ART1: variants seen among roughly 807,000 people sequenced by gnomAD.
ART1 encodes GPI-linked NAD(P)(+)--arginine ADP-ribosyltransferase 1.
Under a neutral mutation model 27.0 loss-of-function variants are expected in ART1, and 29 were observed. The ratio of observed to expected loss-of-function variants is 1.08; its 90% CI spans 0.80 to 1.47. The LOEUF (loss-of-function observed/expected upper bound fraction) is 1.47. ART1 is among the 40% of genes most tolerant of loss of function. The pLI, the probability that ART1 is intolerant of heterozygous loss-of-function variation, is 0.00. For synonymous variants in ART1, 201 were observed against 172.2 expected, an observed-to-expected ratio of 1.17 and a Z score of -1.31; for missense variants, 480 against 423.0, an observed-to-expected ratio of 1.13 and a Z score of -1.18.
intron 3 of ART1, among the ~76,000 whole-genome samples, chr11:3,660,617 C>T (rs1361095477): frequency 2.6e-5 from 4 of 152,200 alleles, no homozygotes; most frequent in East Asian, 1.9e-4. Flanking sequence ...TCCTGGCCAA[C>T]GCAGCGGTCT....
intron 1 of ART1, among the ~76,000 whole-genome samples, chr11:3,653,744 C>T (rs116050118): frequency 6.6e-6 from 1 of 152,044 alleles, no homozygotes; most frequent in African/African-American, 2.4e-5. Context: ...TCTCTCACGT[C>T]CCCTATAGCC....
intron 1 of ART1, among the ~76,000 whole-genome samples, chr11:3,652,403 C>G (rs1324737756): frequency 6.7e-6 from 1 of 149,196 alleles, no homozygotes; most frequent in Non-Finnish European, 1.5e-5. Context: ...TCAGTGAAAC[C>G]TTTATATCCC....
chr11:3,658,852 C>T (rs767823516), intron 1 of ART1, among the ~76,000 whole-genome samples: 2 of 152,202 alleles, frequency 1.3e-5, no homozygotes, highest in Admixed American at 6.5e-5. Context: ...CTCTTTACAT[C>T]CTCAGTTCCC....
chr11:3,663,089 A>ATCATCATC (rs2077634254), intron 4 of ART1, among the ~76,000 whole-genome samples: 3 of 87,116 alleles, frequency 3.4e-5, no homozygotes, highest in Admixed American at 1.2e-4. Context: ...ATCTCATCTC[A>ATCATCATC]TCATCTCATC....
rs1359752648 is a variant in ART1 at position 3,660,344 on chromosome 11, C to G, written c.825C>G (p.Tyr275Ter). Residue 275 changes from tyrosine (Y) to a stop codon, truncating the protein, a stop_gained, in exon 3 of 5, where the codon TAC (tyrosine) becomes TAG (stop). Transcript: ENST00000250693. LOFTEE classifies it high-confidence loss of function. ...YLRALGKHST[Y>*]NCEYIKDKKC... ...GAGCCCTGGGCAAGCACAGCACCTA[C>G]AACTGCGAGTACATCAAAGGTAGGA... 1.9e-6 allele frequency: 3 copies of G among 1,602,874 alleles called. No individual in the cohort carries two copies. Among genetic ancestry groups the G allele is most frequent in the Non-Finnish European group, 2.5e-6 (3 of 1,179,254 alleles).
chr11:3,660,506 C>A, intron 3 of ART1, 143 bp downstream of exon 3: 4 of 986,774 alleles, frequency 4.1e-6, no homozygotes, highest in Non-Finnish European at 5.8e-6. Flanking sequence ...CCAACCCCTT[C>A]CATCTAAGGG....
intron 1 of ART1, among the ~76,000 whole-genome samples, chr11:3,655,257 A>T (rs903041343): frequency 6.6e-6 from 1 of 152,226 alleles, no homozygotes; most frequent in Non-Finnish European, 1.5e-5. Context: ...ACCCACAGAC[A>T]AGTACATGGG....
At chr11:3,656,390 T>TTTA (rs1565042924) in intron 1 of ART1, among the ~76,000 whole-genome samples, 34 of 43,952 alleles carry the variant, frequency 7.7e-4, no homozygotes, top group Admixed American at 3.7e-3. Context: ...TTATTTATTT[T>TTTA]TTAAATTTTT....
intron 1 of ART1, among the ~76,000 whole-genome samples, chr11:3,653,660 T>A (rs114309636): frequency 0.075 from 11,414 of 152,024 alleles, 901 homozygotes; most frequent in African/African-American, 0.2. Context: ...GTATTTTTTT[T>A]AAATCTACTC....
At chr11:3,653,388 T>A (rs988890444) in intron 1 of ART1, among the ~76,000 whole-genome samples, 11 of 148,408 alleles carry the variant, frequency 7.4e-5, no homozygotes, top group Non-Finnish European at 1.6e-4. Context: ...GTGAAATTCC[T>A]TCTCCTGGCT....
chr11:3,659,277 G>C lies in ART1; in HGVS notation c.63+1G>C, dbSNP rs1376419138. On this transcript the variant is annotated splice_donor_variant, in intron 2 of 4. Coordinates refer to ENST00000250693, the MANE Select transcript of ART1 (RefSeq NM_004314.3). LOFTEE classifies it high-confidence loss of function. ...TGTGGGCCTCATGGAAGCACTTCAG[G>C]TATGGGCATCCCCCACTGTTCCCAC... 1 of 1,614,142 alleles carries C rather than the reference G, an allele frequency of 6.2e-7. No homozygotes were observed. The highest frequency in any genetic ancestry group is 8.5e-7 in the Non-Finnish European group (1 of 1,180,036).
chr11:3,647,450 A>G (rs960854734), intron 1 of ART1, among the ~76,000 whole-genome samples: 6 of 152,160 alleles, frequency 3.9e-5, no homozygotes, highest in Non-Finnish European at 8.8e-5. Context: ...AGCTTGGTCA[A>G]CATGGCAAAA....
At chr11:3,649,939 T>G (rs1298645415) in intron 1 of ART1, among the ~76,000 whole-genome samples, 1 of 152,166 alleles carries the variant, frequency 6.6e-6, no homozygotes, top group Non-Finnish European at 1.5e-5. Flanking sequence ...AATATACATT[T>G]TATTACCCAA....
chr11:3,656,682 G>T (rs929639890), intron 1 of ART1, among the ~76,000 whole-genome samples: 1 of 151,918 alleles, frequency 6.6e-6, no homozygotes, highest in Non-Finnish European at 1.5e-5. Flanking sequence ...AGTAGCAATG[G>T]TGTCTCACAA....
At chr11:3,662,392 C>T (rs1177962103) in intron 4 of ART1, among the ~76,000 whole-genome samples, 1 of 152,228 alleles carries the variant, frequency 6.6e-6, no homozygotes, top group Admixed American at 6.5e-5. Context: ...CTCCCCAAGC[C>T]TTCAGAACTC....
At chr11:3,657,038 C>T (rs2077580998) in intron 1 of ART1, among the ~76,000 whole-genome samples, 1 of 152,162 alleles carries the variant, frequency 6.6e-6, no homozygotes, top group African/African-American at 2.4e-5. Flanking sequence ...AAATTATAGA[C>T]ACATAGAATC....
intron 1 of ART1, among the ~76,000 whole-genome samples, chr11:3,656,409 G>T (rs1374154758): frequency 6.6e-6 from 1 of 151,698 alleles, no homozygotes; most frequent in East Asian, 1.9e-4. Context: ...TTGAGACGGA[G>T]TCTCGCTCTG....
At position 3,664,195 on chromosome 11, in the gene ART1, G is replaced by A; in HGVS notation, c.*6G>A. The A allele has an allele frequency of 6.2e-7, 1 of 1,613,282 alleles. No individual in the cohort carries two copies. The highest frequency in any genetic ancestry group is 8.5e-7 in the Non-Finnish European group (1 of 1,179,774). On this transcript the variant is annotated 3_prime_UTR_variant, in exon 5 of 5. Coordinates refer to ENST00000250693, the MANE Select transcript of ART1 (RefSeq NM_004314.3). ...ATGGTCCAGGCCTCCTTTGATGCAT[G>A]AGACACGGGACAGCCTCGCCTGCTG...
intron 4 of ART1, among the ~76,000 whole-genome samples, chr11:3,663,089 A>ATCATCTCATCTCATCTCATCTCATC (rs58565508): frequency 1.3e-4 from 11 of 87,112 alleles, no homozygotes; most frequent in Admixed American, 3.7e-4. Flanking sequence ...ATCTCATCTC[A>ATCATCTCATCTCATCTCATCTCATC]TCATCTCATC....
Sources: allele counts gnomAD v4.1 joint callset (sites outside exome capture counted in the v4.1 genomes callset), GRCh38; gene constraint gnomAD v4.1.1; transcripts MANE v1.5; gene names NCBI Gene and HGNC (gene_info 2026-07-23, HGNC 2026-07-21).